The following NRG3 variants were observed in gnomAD, a reference collection of about 807,000 sequenced individuals.
NRG3 encodes the protein pro-neuregulin-3, membrane-bound isoform.
Under a neutral mutation model 66.9 loss-of-function variants are expected in NRG3, and 31 were observed. The observed-to-expected ratio is 0.46, with a 90% CI of 0.35 to 0.63. The LOEUF (loss-of-function observed/expected upper bound fraction) is 0.63, where lower values mean the gene tolerates loss of function less well. Among genes scored for constraint, NRG3 ranks in the 20% least tolerant of loss-of-function variants. The pLI is 0.00. For synonymous variants in NRG3, 393 were observed against 359.4 expected, an observed-to-expected ratio of 1.09 and a Z score of -1.06; for missense variants, 910 against 878.9, an observed-to-expected ratio of 1.04 and a Z score of -0.45.
At chr10:82,201,418 C>T (rs755723387) in intron 1 of NRG3, among the ~76,000 whole-genome samples, 4 of 152,064 alleles carry the variant, frequency 2.6e-5, no homozygotes, top group African/African-American at 4.8e-5. Context: ...GAAATCATTT[C>T]TGTCTCAAAC....
chr10:82,961,321 C>G (rs767426572), intron 6 of NRG3, among the ~76,000 whole-genome samples: 10 of 152,042 alleles, frequency 6.6e-5, no homozygotes, highest in Non-Finnish European at 1.0e-4. Context: ...TGATATAACC[C>G]AAAATGTGGT....
intron 1 of NRG3, among the ~76,000 whole-genome samples, chr10:82,271,756 A>AAG (rs2078609155): frequency 6.6e-5 from 10 of 152,144 alleles, no homozygotes; most frequent in African/African-American, 2.2e-4. Context: ...GAGAAACAGC[A>AAG]TGAATATTAC....
rs138054159 is a variant in NRG3, at chr10:82,723,373, G to A, written c.954-15204G>A. 3.1e-3 allele frequency among the ~76,000 whole-genome samples: 465 copies of A among 152,192 alleles called. 1 individual carries two copies. The highest frequency in any genetic ancestry group is 5.2e-3 in the Non-Finnish European group (352 of 68,014). On this transcript the variant is annotated intron_variant, in intron 2 of 8. Transcript: ENST00000372141. ...AACTAACTATTGGATACTATGCTTC[G>A]TACCTGGGTAATGGGGTCGATTGAA...
chr10:81,911,898 C>T (rs1845205734), intron 1 of NRG3, among the ~76,000 whole-genome samples: 1 of 151,862 alleles, frequency 6.6e-6, no homozygotes, highest in Non-Finnish European at 1.5e-5. Context: ...TGTTTTCTTA[C>T]AAAAAATATT....
chr10:82,651,891 A>G (rs1471385586), intron 2 of NRG3, among the ~76,000 whole-genome samples: 1 of 152,232 alleles, frequency 6.6e-6, no homozygotes, highest in African/African-American at 2.4e-5. Context: ...GGACTGCAAC[A>G]TTGAGGCAGG....
intron 1 of NRG3, among the ~76,000 whole-genome samples, chr10:81,955,673 A>G (rs1198065627): frequency 6.6e-6 from 1 of 152,186 alleles, no homozygotes; most frequent in East Asian, 1.9e-4. Flanking sequence ...GCAAAATAAA[A>G]GTTGATACCT....
chr10:82,228,686 A>G (rs1291342866), intron 1 of NRG3, among the ~76,000 whole-genome samples: 4 of 152,206 alleles, frequency 2.6e-5, no homozygotes, highest in Non-Finnish European at 5.9e-5. Flanking sequence ...TTCCTCATGA[A>G]AATTAATTTA....
chr10:82,219,810 T>C (rs1421625537), intron 1 of NRG3, among the ~76,000 whole-genome samples: 1 of 152,126 alleles, frequency 6.6e-6, no homozygotes, highest in African/African-American at 2.4e-5. Flanking sequence ...CTTTTAATAG[T>C]TCTACGTGAA....
chr10:82,494,553 A>G (rs929309560), intron 2 of NRG3, among the ~76,000 whole-genome samples: 1 of 152,110 alleles, frequency 6.6e-6, no homozygotes, highest in South Asian at 2.1e-4. Context: ...TTTTTCCATC[A>G]TATATCAGAA....
intron 1 of NRG3, among the ~76,000 whole-genome samples, chr10:82,296,729 T>G (rs2134690937): frequency 6.6e-6 from 1 of 152,314 alleles, no homozygotes; most frequent in Non-Finnish European, 1.5e-5. Context: ...ACAGTCATCA[T>G]ATTGTTCTAT....
At position 82,617,261 on chromosome 10, in the gene NRG3, TACAC is replaced by T. The variant is rs1300252582; in HGVS notation, c.954-121308_954-121305del. On this transcript the variant is annotated intron_variant, in intron 2 of 8. Coordinates refer to ENST00000372141, the MANE Select transcript of NRG3 (RefSeq NM_001010848.4). ...CACACCACACAGACACACATACACA[TACAC>T]ACACACAAACACAAACACACATCAC... 1.5e-3 allele frequency among the ~76,000 whole-genome samples: 191 copies of T among 125,934 alleles called. 1 individual carries two copies. The highest frequency in any genetic ancestry group is 4.7e-3 in the African/African-American group (150 of 31,862). The allele number at this position is 125,934 out of a possible 152,430, so 82.6% of individuals were successfully genotyped here.
intron 3 of NRG3, among the ~76,000 whole-genome samples, chr10:82,790,371 T>C (rs968203748): frequency 1.3e-5 from 2 of 152,120 alleles, no homozygotes; most frequent in African/African-American, 2.4e-5. Context: ...GCTATTGGTT[T>C]TTTTCTTTCA....
chr10:82,370,982 A>G (rs2084852991), intron 2 of NRG3, among the ~76,000 whole-genome samples: 1 of 151,964 alleles, frequency 6.6e-6, no homozygotes, highest in South Asian at 2.1e-4. Context: ...ACACATTCAC[A>G]CACATGCATA....
chr10:82,816,764 G>A (rs1591614106), intron 3 of NRG3, among the ~76,000 whole-genome samples: 1 of 152,166 alleles, frequency 6.6e-6, no homozygotes, highest in East Asian at 1.9e-4. Flanking sequence ...AGGAGGTGGG[G>A]CTCCCAGCTG....
At chr10:82,389,565 A>C (rs1271418871) in intron 2 of NRG3, among the ~76,000 whole-genome samples, 1 of 152,232 alleles carries the variant, frequency 6.6e-6, no homozygotes, top group African/African-American at 2.4e-5. Flanking sequence ...CAGGAAGAAA[A>C]AAATACAAAC....
intron 4 of NRG3, among the ~76,000 whole-genome samples, chr10:82,899,872 A>G (rs1844041676): frequency 6.6e-6 from 1 of 152,232 alleles, no homozygotes; most frequent in South Asian, 2.1e-4. Flanking sequence ...CGAGAGGGGT[A>G]GAGGAAATTA....
chr10:82,335,442 T>C (rs1037883925), intron 1 of NRG3, among the ~76,000 whole-genome samples: 1 of 152,214 alleles, frequency 6.6e-6, no homozygotes, highest in African/African-American at 2.4e-5. Flanking sequence ...TTCTGAACTC[T>C]CAGCCAAAAT....
chr10:82,472,714 C>T (rs566111595), intron 2 of NRG3, among the ~76,000 whole-genome samples: 1 of 152,158 alleles, frequency 6.6e-6, no homozygotes, highest in Non-Finnish European at 1.5e-5. Context: ...TCTTCTCTTC[C>T]ATTATCTCAG....
At chr10:82,217,543 G>C (rs1442816134) in intron 1 of NRG3, among the ~76,000 whole-genome samples, 1 of 152,132 alleles carries the variant, frequency 6.6e-6, no homozygotes, top group Non-Finnish European at 1.5e-5. Context: ...CAACACTCCT[G>C]AATCAGTGCC....
Sources: gnomAD v4.1 joint callset for allele counts (sites outside exome capture counted in the v4.1 genomes callset) on GRCh38, gnomAD v4.1.1 for gene constraint, MANE v1.5 for transcripts, NCBI Gene and HGNC (gene_info 2026-07-23, HGNC 2026-07-21) for gene names.